Variants in VPS8 observed in about 807,000 individuals in gnomAD.
The protein encoded by VPS8 is VPS8 subunit of CORVET complex.
In VPS8, 129 loss-of-function variants were observed where a neutral mutation model predicts 216.4. The observed-to-expected ratio is 0.60, with a 90% CI of 0.52 to 0.69. The LOEUF is 0.69. VPS8 is among the 30% of genes least tolerant of loss of function. VPS8 has a pLI of 0.00. For missense variants in VPS8, 1,531 were observed against 1,683.5 expected (o/e 0.91, Z 1.59); for synonymous variants, 571 against 565.4 (o/e 1.01, Z -0.14).
At chr3:184,857,598 C>T (rs996707943) in intron 14 of VPS8, among the ~76,000 whole-genome samples, 2 of 152,180 alleles carry the variant, frequency 1.3e-5, no homozygotes, top group African/African-American at 4.8e-5. Flanking sequence ...TAATGTTTCT[C>T]CTCCCTTCTG....
At chr3:184,824,075 C>T (rs1718185325) in intron 1 of VPS8, 1 of 152,376 alleles carries the variant, frequency 6.6e-6, no homozygotes, top group African/African-American at 2.4e-5. Flanking sequence ...AGTGTTTCTG[C>T]TAAGCTCCCA....
intron 34 of VPS8, among the ~76,000 whole-genome samples, chr3:184,931,486 A>G (rs1357156908): frequency 6.6e-6 from 1 of 152,176 alleles, no homozygotes; most frequent in Non-Finnish European, 1.5e-5. Context: ...AACATTTTTT[A>G]TAGATATGAA....
rs147264937 is a variant in VPS8, at chr3:184,978,313, T to C, written c.3421-4253T>C. Among the ~76,000 whole-genome samples, 6 of 152,260 alleles carry C rather than the reference T, an allele frequency of 3.9e-5. No individual in the cohort carries two copies. In the East Asian group the frequency reaches 9.7e-4, roughly 25 times the overall value. On this transcript the variant is annotated intron_variant, in intron 40 of 47. Coordinates refer to ENST00000625842, the MANE Select transcript of VPS8 (RefSeq NM_001009921.3). ...CTTGTCATTTCTGACTGCGTTTATT[T>C]GGATCTTCTCTCCTTTTCCCTCCTT...
intron 42 of VPS8, among the ~76,000 whole-genome samples, chr3:184,988,117 C>G (rs1577073522): frequency 6.6e-6 from 1 of 152,104 alleles, no homozygotes; most frequent in African/African-American, 2.4e-5. Context: ...TGTGGCTGGT[C>G]TTTTTATTCT....
chr3:184,950,461 T>C (rs1744494540), intron 36 of VPS8, among the ~76,000 whole-genome samples: 1 of 151,980 alleles, frequency 6.6e-6, no homozygotes, highest in Non-Finnish European at 1.5e-5. Flanking sequence ...AAGATTAATC[T>C]AGACTGGCCT....
At chr3:184,819,790 A>G (rs1024117239) in intron 1 of VPS8, among the ~76,000 whole-genome samples, 6 of 152,196 alleles carry the variant, frequency 3.9e-5, no homozygotes, top group Non-Finnish European at 5.9e-5. Context: ...AAACTTTACT[A>G]CTACTACCTA....
intron 25 of VPS8, chr3:184,901,332 TA>T (rs1734448181): frequency 1.0e-5 from 2 of 193,276 alleles, no homozygotes; most frequent in East Asian, 3.0e-4. Flanking sequence ...TTGTTTTATG[TA>T]TATTAATATT....
intron 39 of VPS8, among the ~76,000 whole-genome samples, chr3:184,969,133 G>C (rs914065429): frequency 2.0e-5 from 3 of 151,784 alleles, no homozygotes; most frequent in Non-Finnish European, 4.4e-5. Flanking sequence ...GTTTTTTTCT[G>C]GGGGGACGGC....
chr3:184,928,379 G>A lies in VPS8; in HGVS notation c.2632-72G>A. 2.2e-6 allele frequency: 3 copies of A among 1,341,338 alleles called. No individual in the cohort carries two copies. In the South Asian group the frequency reaches 4.5e-5, roughly 20 times the overall value. 83.1% of individuals were successfully genotyped at this position (1,341,338 alleles called of 1,614,324 possible). The stretch of plus-strand genomic sequence containing the variant: ...AGAAAAAAATTAAATGTTATAGTCT[G>A]CATGGCTGAATGCACTCTTAAAGAG... On this transcript the variant is annotated intron_variant, in intron 31 of 47. Coordinates refer to ENST00000625842, the MANE Select transcript of VPS8 (RefSeq NM_001009921.3).
chr3:184,997,602 G>A (rs765964211), intron 44 of VPS8, among the ~76,000 whole-genome samples: 1 of 152,130 alleles, frequency 6.6e-6, no homozygotes, highest in Non-Finnish European at 1.5e-5. Context: ...ACAAAACAAA[G>A]GATTTGCCCT....
chr3:184,895,645 C>CT (rs1193683155), intron 23 of VPS8, among the ~76,000 whole-genome samples: 1 of 46,938 alleles, frequency 2.1e-5, no homozygotes, highest in Non-Finnish European at 3.9e-5. Flanking sequence ...CCCCCACTCT[C>CT]TTTTTTTTTT....
At chr3:185,039,359 T>G (rs1759323317) in intron 46 of VPS8, among the ~76,000 whole-genome samples, 1 of 151,962 alleles carries the variant, frequency 6.6e-6, no homozygotes, top group Non-Finnish European at 1.5e-5. Context: ...GGTTCTGCAG[T>G]CTGTACAAGC....
At chr3:184,996,584 G>T (rs1752645896) in intron 44 of VPS8, 83 bp downstream of exon 44, 38 of 1,455,972 alleles carry the variant, frequency 2.6e-5, no homozygotes, top group Non-Finnish European at 3.4e-5. Flanking sequence ...GGATACACGG[G>T]TAGTCATTCT....
intron 45 of VPS8, among the ~76,000 whole-genome samples, chr3:185,004,384 G>A (rs1054473435): frequency 6.6e-6 from 1 of 152,200 alleles, no homozygotes; most frequent in South Asian, 2.1e-4. Context: ...GCAGGCTGAG[G>A]CAGGAGAACC....
chr3:185,012,367 CATAAAT>C (rs995862269), intron 45 of VPS8, among the ~76,000 whole-genome samples: 1 of 146,752 alleles, frequency 6.8e-6, no homozygotes, highest in African/African-American at 2.5e-5. Context: ...ATATGATAAA[CATAAAT>C]ATAATATACA....
At chr3:185,051,545 C>A (rs1031465684) in intron 47 of VPS8, among the ~76,000 whole-genome samples, 1 of 152,084 alleles carries the variant, frequency 6.6e-6, no homozygotes, top group Non-Finnish European at 1.5e-5. Context: ...GGCAGCAGGG[C>A]CATCCACAGC....
At chr3:184,980,811 G>C (rs749576232) in intron 40 of VPS8, among the ~76,000 whole-genome samples, 1 of 152,114 alleles carries the variant, frequency 6.6e-6, no homozygotes, top group Non-Finnish European at 1.5e-5. Context: ...TCTGAATTCT[G>C]TATCTGTCAT....
chr3:184,995,406 C>G lies in VPS8; in HGVS notation c.3667-926C>G, dbSNP rs545887978. Among the ~76,000 whole-genome samples, 284 of 152,198 alleles carry G rather than the reference C, an allele frequency of 1.9e-3. 2 individuals are homozygous for G. The highest frequency in any genetic ancestry group is 2.9e-3 in the Non-Finnish European group (199 of 68,008). ...TTGATAACCCCTGCAGTCACAGATT[C>G]CAGGTTAGCAGAGGTATAGTTGTGT... On this transcript the variant is annotated intron_variant, in intron 43 of 47. Coordinates refer to ENST00000625842, the MANE Select transcript of VPS8 (RefSeq NM_001009921.3).
intron 46 of VPS8, among the ~76,000 whole-genome samples, chr3:185,026,410 CTTT>C (rs3045678): frequency 1.6e-4 from 19 of 119,100 alleles, no homozygotes; most frequent in Admixed American, 2.7e-4. Flanking sequence ...GGCTGTATTT[CTTT>C]TTTTTTTTTT....
Sources: gnomAD v4.1 joint callset for allele counts (sites outside exome capture counted in the v4.1 genomes callset) on GRCh38, gnomAD v4.1.1 for gene constraint, MANE v1.5 for transcripts, NCBI Gene and HGNC (gene_info 2026-07-23, HGNC 2026-07-21) for gene names.